APP: variants seen among roughly 807,000 people sequenced by gnomAD.
APP encodes amyloid beta precursor protein, also known as amyloid-beta precursor protein.
APP carries 31 observed loss-of-function variants against 101.4 expected under a neutral mutation model. That is an observed-to-expected ratio of 0.31 (90% confidence interval 0.23 to 0.41). The LOEUF (loss-of-function observed/expected upper bound fraction) is 0.41, where lower values mean the gene tolerates loss of function less well. Among genes scored for constraint, APP ranks in the 10% least tolerant of loss-of-function variants. The pLI is 1.00. For synonymous variants in APP, 366 were observed against 364.4 expected (o/e 1.00, Z -0.05); for missense variants, 839 against 1,003.7 (o/e 0.84, Z 2.22).
At chr21:26,001,205 C>T (rs891815766) in intron 6 of APP, among the ~76,000 whole-genome samples, 2 of 152,166 alleles carry the variant, frequency 1.3e-5, no homozygotes, top group African/African-American at 4.8e-5. Context: ...CATGTCTTGC[C>T]ACCCTCCCCA....
At chr21:26,054,687 T>C (rs1222412237) in intron 3 of APP, among the ~76,000 whole-genome samples, 3 of 144,044 alleles carry the variant, frequency 2.1e-5, no homozygotes, top group Non-Finnish European at 4.5e-5. Flanking sequence ...ATCAGCATAG[T>C]GAAACCATGA....
rs188807260 is a variant in APP at position 26,075,692 on chromosome 21, T to C, written c.355+14251A>G. 8.7e-4 allele frequency among the ~76,000 whole-genome samples: 133 copies of C among 152,274 alleles called. 1 individual carries two copies. Among genetic ancestry groups the C allele is most frequent in the Admixed American group, 2.9e-3 (45 of 15,296 alleles). On this transcript the variant is annotated intron_variant, in intron 3 of 17. Transcript: ENST00000346798. ...CATGTGCAGTACAAATAAAACCACA[T>C]TGAATGTACAGATATTTTTCTGGAC...
intron 3 of APP, among the ~76,000 whole-genome samples, chr21:26,054,620 G>GTTTTTTTTTTTTTTTT (rs369608335): frequency 9.3e-6 from 1 of 107,994 alleles, no homozygotes; most frequent in African/African-American, 3.3e-5. Context: ...TAGGCCAAAA[G>GTTTTTTTTTTTTTTTT]TTTTTTTTTT....
intron 6 of APP, among the ~76,000 whole-genome samples, chr21:26,005,448 T>C (rs995996110): frequency 3.9e-5 from 6 of 152,200 alleles, no homozygotes; most frequent in Admixed American, 1.3e-4. Flanking sequence ...TATAGGAATA[T>C]TGATTTTTCA....
intron 1 of APP, among the ~76,000 whole-genome samples, chr21:26,141,275 A>G (rs1306215033): frequency 6.6e-6 from 1 of 152,210 alleles, no homozygotes. Context: ...ATTAACTCAA[A>G]TGTTACTTAA....
intron 7 of APP, among the ~76,000 whole-genome samples, chr21:25,997,983 C>T (rs913958072): frequency 7.2e-5 from 11 of 152,178 alleles, no homozygotes; most frequent in African/African-American, 2.4e-4. Context: ...GACACCTGGA[C>T]AGGTGCCCAC....
In APP at chr21:25,911,832, G is replaced by A. The variant is rs1444330853; in HGVS notation, c.1818C>T (p.Leu606=). The A allele has an allele frequency of 6.2e-7, 1 of 1,614,208 alleles. No individual in the cohort carries two copies. Among genetic ancestry groups the A allele is most frequent in the Non-Finnish European group, 8.5e-7 (1 of 1,180,034 alleles). ...SLTETKTTVE[L]LPVNGEFSLD... Reference sequence around the variant, plus strand: ...GGCTGAACTCTCCATTCACGGGAAGGAGCTCCACGGTGGTTTTCGTTTCGG... The same window carrying A: ...GGCTGAACTCTCCATTCACGGGAAGAAGCTCCACGGTGGTTTTCGTTTCGG... The change falls in exon 14 of 18, where the codon CTC becomes CTT. Residue 606 remains leucine, a synonymous_variant. Transcript: ENST00000346798.
At chr21:26,094,373 CT>C (rs2061895155) in intron 2 of APP, among the ~76,000 whole-genome samples, 2 of 152,148 alleles carry the variant, frequency 1.3e-5, no homozygotes, top group East Asian at 3.9e-4. Flanking sequence ...GATAAAGCAA[CT>C]GCCACATGCA....
chr21:26,152,276 C>T (rs2063290929), intron 1 of APP, among the ~76,000 whole-genome samples: 1 of 79,914 alleles, frequency 1.3e-5, no homozygotes, highest in Non-Finnish European at 2.1e-5. Context: ...CAGAGCAAGA[C>T]TCCATCTCAA....
At chr21:26,025,507 G>C (rs56327405) in intron 5 of APP, among the ~76,000 whole-genome samples, 37,576 of 152,170 alleles carry the variant, frequency 0.25, 5,870 homozygotes, top group Non-Finnish European at 0.35. Context: ...CGTGTTTCCA[G>C]GTGGGATGGT....
At chr21:26,011,331 C>T (rs945411315) in intron 6 of APP, among the ~76,000 whole-genome samples, 3 of 152,116 alleles carry the variant, frequency 2.0e-5, no homozygotes, top group Non-Finnish European at 2.9e-5. Context: ...CCACCTCAGC[C>T]TCCCAAAGTG....
chr21:26,032,806 AT>A (rs71183541), intron 5 of APP, among the ~76,000 whole-genome samples: 6,211 of 79,472 alleles, frequency 0.078, 182 homozygotes, highest in African/African-American at 0.12. Flanking sequence ...AAAAAAAAAA[AT>A]ATATATATAT....
intron 13 of APP, among the ~76,000 whole-genome samples, chr21:25,916,953 AC>A (rs1351706871): frequency 2.0e-5 from 3 of 152,092 alleles, no homozygotes; most frequent in Non-Finnish European, 4.4e-5. Context: ...GAACCCCATC[AC>A]CTTGCTCTTT....
intron 13 of APP, among the ~76,000 whole-genome samples, chr21:25,949,561 T>C (rs185317379): frequency 1.3e-3 from 197 of 152,324 alleles, no homozygotes; most frequent in Non-Finnish European, 2.0e-3. Context: ...CAGTCCAAGT[T>C]AAGGAGCATC....
intron 2 of APP, among the ~76,000 whole-genome samples, chr21:26,102,626 C>T (rs2062086766): frequency 6.6e-6 from 1 of 151,882 alleles, no homozygotes; most frequent in Non-Finnish European, 1.5e-5. Context: ...CACAGTGGTT[C>T]GCACCTGTAA....
intron 17 of APP, among the ~76,000 whole-genome samples, chr21:25,891,513 C>T (rs1227304115): frequency 6.6e-6 from 1 of 152,074 alleles, no homozygotes; most frequent in East Asian, 1.9e-4. Flanking sequence ...GATAACAACA[C>T]ACACTCTCAA....
rs545887599 is a variant in APP at position 25,969,986 on chromosome 21, G to A, written c.1458+5084C>T. 3.6e-4 allele frequency among the ~76,000 whole-genome samples: 43 copies of A among 120,150 alleles called. 1 individual carries two copies. The highest frequency in any genetic ancestry group is 7.5e-4 in the Non-Finnish European group (43 of 57,544). 78.8% of individuals were successfully genotyped at this position (120,150 alleles called of 152,430 possible). ...GGAGGGAGGGAAGGAAGGAAGGCAG[G>A]AGAGAAAGAGAAACAGAGAAAGAGA... On this transcript the variant is annotated intron_variant, in intron 11 of 17. Transcript: ENST00000346798.
At chr21:25,946,593 A>G (rs1189858468) in intron 13 of APP, among the ~76,000 whole-genome samples, 1 of 152,100 alleles carries the variant, frequency 6.6e-6, no homozygotes, top group Non-Finnish European at 1.5e-5. Flanking sequence ...TTGAATCCGT[A>G]AGGCGGAGGT....
intron 11 of APP, among the ~76,000 whole-genome samples, chr21:25,971,212 T>G (rs1011677533): frequency 8.4e-6 from 1 of 118,464 alleles, no homozygotes; most frequent in Non-Finnish European, 1.7e-5. Context: ...CACACCTGGC[T>G]AATTTTTTGT....
Sources: gnomAD v4.1 joint callset for allele counts (sites outside exome capture counted in the v4.1 genomes callset) on GRCh38, gnomAD v4.1.1 for gene constraint, MANE v1.5 for transcripts, NCBI Gene and HGNC (gene_info 2026-07-23, HGNC 2026-07-21) for gene names.